The following NTM variants were observed in gnomAD, a reference collection of about 807,000 sequenced individuals.
NTM encodes neurotrimin.
A neutral mutation model predicts 42.1 loss-of-function variants in NTM; 13 were observed. The observed-to-expected ratio is 0.31, with a 90% CI of 0.20 to 0.49. The LOEUF (loss-of-function observed/expected upper bound fraction) is 0.49. Among genes scored for constraint, NTM ranks in the 20% least tolerant of loss-of-function variants. The pLI is 0.99. For missense variants in NTM, 373 were observed against 452.8 expected (o/e 0.82, Z 1.60); for synonymous variants, 187 against 179.2 (o/e 1.04, Z -0.35).
At chr11:131,718,807 T>A (rs2078006171) in intron 1 of NTM, among the ~76,000 whole-genome samples, 1 of 152,044 alleles carries the variant, frequency 6.6e-6, no homozygotes, top group Non-Finnish European at 1.5e-5. Flanking sequence ...CCTGATTACC[T>A]CTCCCTGCAC....
intron 1 of NTM, chr11:131,795,789 G>A: frequency 5.1e-6 from 5 of 985,390 alleles, no homozygotes; most frequent in South Asian, 4.7e-5. Context: ...ACTGGGGTTG[G>A]GGGGTGGTGG....
intron 3 of NTM, among the ~76,000 whole-genome samples, chr11:132,180,727 T>C (rs2077447413): frequency 6.6e-6 from 1 of 152,138 alleles, no homozygotes; most frequent in African/African-American, 2.4e-5. Flanking sequence ...ACTATAAGTC[T>C]AATATGATTA....
In NTM at chr11:131,464,863, C is replaced by T. The variant is rs75069379; in HGVS notation, c.82+93975C>T. 1.0e-2 allele frequency among the ~76,000 whole-genome samples: 1,519 copies of T among 152,310 alleles called. 24 individuals are homozygous for T. The highest frequency in any genetic ancestry group is 0.035 in the African/African-American group (1,434 of 41,560). ...GGTACTTTTCCTAAAATCCCCAAAC[C>T]TCTGAATGTGCCGGTCTGGGTTGAT... On this transcript the variant is annotated intron_variant, in intron 1 of 8. Coordinates refer to ENST00000683400, the MANE Select transcript of NTM (RefSeq NM_001352005.2).
chr11:131,522,467 A>G (rs401567), intron 1 of NTM, among the ~76,000 whole-genome samples: 26,309 of 152,200 alleles, frequency 0.17, 2,325 homozygotes, highest in Middle Eastern at 0.23. Flanking sequence ...TTTCATAACA[A>G]CCACTGAGCA....
At chr11:132,261,410 A>T (rs928513015) in intron 4 of NTM, among the ~76,000 whole-genome samples, 2 of 152,170 alleles carry the variant, frequency 1.3e-5, no homozygotes, top group African/African-American at 4.8e-5. Context: ...GCACAGACGC[A>T]CGGCTCACAG....
chr11:131,652,236 C>T (rs889397520), intron 1 of NTM, among the ~76,000 whole-genome samples: 1 of 152,220 alleles, frequency 6.6e-6, no homozygotes, highest in African/African-American at 2.4e-5. Flanking sequence ...TGGCTATACA[C>T]ATGGAGCAGC....
In NTM at chr11:132,329,765, G is replaced by T. The variant is rs566887588; in HGVS notation, c.935-388G>T. Among the ~76,000 whole-genome samples the T allele has an allele frequency of 3.7e-4, 56 of 152,366 alleles. 1 individual carries two copies. In the South Asian group the frequency reaches 0.01, roughly 28 times the overall value. On this transcript the variant is annotated intron_variant, in intron 7 of 8. Transcript: ENST00000683400. Reference sequence around the variant, plus strand: ...ACAGGCTTCAACTAATTAGAGGATAGCCTGATGACCAAAGAAAGTAAGTTG... The same window carrying T: ...ACAGGCTTCAACTAATTAGAGGATATCCTGATGACCAAAGAAAGTAAGTTG...
At chr11:131,948,592 G>A (rs765220678) in intron 2 of NTM, among the ~76,000 whole-genome samples, 9 of 152,076 alleles carry the variant, frequency 5.9e-5, no homozygotes, top group Non-Finnish European at 1.2e-4. Flanking sequence ...CAGTGTGTCC[G>A]GTTCAGCCCT....
chr11:132,101,021 G>T (rs1208703270), intron 2 of NTM, among the ~76,000 whole-genome samples: 2 of 152,130 alleles, frequency 1.3e-5, no homozygotes, highest in Non-Finnish European at 2.9e-5. Flanking sequence ...TAAATAAAAT[G>T]GTCAGGGAAA....
intron 1 of NTM, among the ~76,000 whole-genome samples, chr11:131,580,886 C>T (rs1197507134): frequency 6.6e-6 from 1 of 152,130 alleles, no homozygotes; most frequent in East Asian, 1.9e-4. Context: ...GAACCACAGT[C>T]GCAGGGGAAG....
chr11:132,023,391 A>G (rs545466), intron 2 of NTM, among the ~76,000 whole-genome samples: 1 of 151,994 alleles, frequency 6.6e-6, no homozygotes, highest in African/African-American at 2.4e-5. Flanking sequence ...GCACAAGTTC[A>G]ATATGAAGCT....
At chr11:132,276,377 TA>T (rs1390765665) in intron 4 of NTM, among the ~76,000 whole-genome samples, 2 of 152,186 alleles carry the variant, frequency 1.3e-5, no homozygotes, top group African/African-American at 4.8e-5. Context: ...TCTTGGATCA[TA>T]AAAGTTAGTA....
intron 1 of NTM, among the ~76,000 whole-genome samples, chr11:131,742,145 T>C (rs1347628316): frequency 6.6e-6 from 1 of 152,150 alleles, no homozygotes; most frequent in Non-Finnish European, 1.5e-5. Flanking sequence ...ACCTGGGTGT[T>C]GAAGTAATCT....
chr11:131,711,630 G>A (rs1010388448), intron 1 of NTM, among the ~76,000 whole-genome samples: 33 of 151,958 alleles, frequency 2.2e-4, no homozygotes, highest in African/African-American at 7.7e-4. Flanking sequence ...CCCATTACTG[G>A]GTATATACCC....
chr11:131,467,670 G>A (rs1192667385), intron 1 of NTM, among the ~76,000 whole-genome samples: 3 of 152,176 alleles, frequency 2.0e-5, no homozygotes, highest in Non-Finnish European at 2.9e-5. Flanking sequence ...AAATAATTTA[G>A]TGGCCTCCAC....
intron 4 of NTM, among the ~76,000 whole-genome samples, chr11:132,273,452 C>T (rs1030131889): frequency 6.6e-6 from 1 of 150,870 alleles, no homozygotes; most frequent in South Asian, 2.1e-4. Context: ...TGGGTTGAGA[C>T]GTATCCTCTA....
chr11:131,740,512 G>A (rs963777475), intron 1 of NTM, among the ~76,000 whole-genome samples: 4 of 152,162 alleles, frequency 2.6e-5, no homozygotes, highest in Non-Finnish European at 4.4e-5. Flanking sequence ...AACGATGTGT[G>A]TCATTTTTGA....
intron 2 of NTM, among the ~76,000 whole-genome samples, chr11:132,056,714 A>C (rs1314817315): frequency 1.3e-5 from 2 of 152,202 alleles, no homozygotes; most frequent in Non-Finnish European, 2.9e-5. Context: ...ACAGTTTGTT[A>C]CATTGTCAAA....
chr11:131,407,843 C>G (rs1282154299), intron 1 of NTM, among the ~76,000 whole-genome samples: 1 of 152,136 alleles, frequency 6.6e-6, no homozygotes, highest in Non-Finnish European at 1.5e-5. Flanking sequence ...AGCAAATATG[C>G]CAGTAGCATT....
Sources: allele counts gnomAD v4.1 joint callset (sites outside exome capture counted in the v4.1 genomes callset), GRCh38; gene constraint gnomAD v4.1.1; transcripts MANE v1.5; gene names NCBI Gene and HGNC (gene_info 2026-07-23, HGNC 2026-07-21).